SEMA5A: variants seen among roughly 807,000 people sequenced by gnomAD.
The protein encoded by SEMA5A is semaphorin 5A, also known as semaphorin-5A.
A neutral mutation model predicts 135.5 loss-of-function variants in SEMA5A; 55 were observed. That is an observed-to-expected ratio of 0.41 (90% CI 0.33 to 0.51). The LOEUF is 0.51. Ranked by LOEUF, SEMA5A falls within the 20% of genes least tolerant of loss-of-function variation. The probability of loss-of-function intolerance (pLI) is 0.37; values close to 1 mark genes in which losing one functional copy is unlikely to be tolerated. For synonymous variants in SEMA5A, 580 were observed against 546.5 expected, an observed-to-expected ratio of 1.06 and a Z score of -0.85; for missense variants, 1,290 against 1,419.9, an observed-to-expected ratio of 0.91 and a Z score of 1.47.
At chr5:9,054,955 G>A (rs562685315) in intron 18 of SEMA5A, among the ~76,000 whole-genome samples, 1 of 152,294 alleles carries the variant, frequency 6.6e-6, no homozygotes, top group East Asian at 1.9e-4. Flanking sequence ...CAATGTGAAA[G>A]TTAGGCCGAA....
intron 16 of SEMA5A, among the ~76,000 whole-genome samples, chr5:9,096,098 A>AT (rs1739296751): frequency 1.3e-5 from 2 of 152,160 alleles, no homozygotes; most frequent in South Asian, 4.1e-4. Flanking sequence ...ACTGTTTTCC[A>AT]TACTGGCTGT....
intron 8 of SEMA5A, among the ~76,000 whole-genome samples, chr5:9,218,918 A>G (rs757556068): frequency 1.3e-5 from 2 of 152,262 alleles, no homozygotes; most frequent in Admixed American, 6.5e-5. Context: ...CAGACATTGT[A>G]TCGGACTTTG....
intron 3 of SEMA5A, among the ~76,000 whole-genome samples, chr5:9,341,557 G>C (rs1753654334): frequency 6.6e-6 from 1 of 151,298 alleles, no homozygotes; most frequent in Non-Finnish European, 1.5e-5. Context: ...CCCCCAGTGA[G>C]TTTACCTTTT....
At chr5:9,066,763 C>T (rs1737496646) in intron 16 of SEMA5A, 117 bp from the exon 17 acceptor site, 1 of 773,760 alleles carries the variant, frequency 1.3e-6, no homozygotes, top group African/African-American at 1.7e-5. Context: ...CTAAGACACT[C>T]ACAGCTACTC....
chr5:9,037,626 T>C lies in SEMA5A; in HGVS notation c.*5271A>G, dbSNP rs907000437. ...GAAATCATCACCAGCAGTTCAACAT[T>C]ACATCTTATTTACCTTTTCTATTAC... On this transcript the variant is annotated 3_prime_UTR_variant, in exon 23 of 23. Transcript: ENST00000382496. 2.0e-5 allele frequency: 3 copies of C among 152,192 alleles called. No individual in the cohort carries two copies. The highest frequency in any genetic ancestry group is 4.4e-5 in the Non-Finnish European group (3 of 68,040). 9.4% of individuals were successfully genotyped at this position (152,192 alleles called of 1,614,324 possible).
chr5:9,050,527 G>T, intron 20 of SEMA5A, 70 bp from the exon 21 acceptor site: 1 of 1,268,558 alleles, frequency 7.9e-7, no homozygotes, highest in Non-Finnish European at 1.1e-6. Flanking sequence ...CATGCTTCAT[G>T]TATGTTTGTC....
intron 4 of SEMA5A, among the ~76,000 whole-genome samples, chr5:9,327,978 C>G (rs1200704957): frequency 6.6e-6 from 1 of 152,250 alleles, no homozygotes; most frequent in African/African-American, 2.4e-5. Flanking sequence ...ACTATTCATG[C>G]TTTAAATTAT....
chr5:9,053,221 CT>C (rs1397117469), intron 19 of SEMA5A, among the ~76,000 whole-genome samples: 7 of 152,210 alleles, frequency 4.6e-5, no homozygotes, highest in Admixed American at 3.9e-4. Context: ...CCCCAAGCGC[CT>C]GCATCAGCCA....
chr5:9,463,078 A>G (rs1759117196), intron 1 of SEMA5A, among the ~76,000 whole-genome samples: 2 of 152,158 alleles, frequency 1.3e-5, no homozygotes, highest in Non-Finnish European at 2.9e-5. Context: ...AAAGAAAAGA[A>G]CAATAAGGAT....
intron 3 of SEMA5A, among the ~76,000 whole-genome samples, chr5:9,349,218 A>G (rs1387051984): frequency 6.6e-6 from 1 of 152,234 alleles, no homozygotes; most frequent in East Asian, 1.9e-4. Flanking sequence ...GAACTAGAAC[A>G]TATTTGCCAA....
At chr5:9,201,918 AAGAG>A (rs753323427) in intron 9 of SEMA5A, 33 bp downstream of exon 9, 1 of 1,584,572 alleles carries the variant, frequency 6.3e-7, no homozygotes, top group South Asian at 1.1e-5. Flanking sequence ...CAGAATGAGT[AAGAG>A]AGAGGGGAGA....
intron 3 of SEMA5A, among the ~76,000 whole-genome samples, chr5:9,362,443 T>G (rs1253582848): frequency 6.6e-6 from 1 of 152,214 alleles, no homozygotes; most frequent in African/African-American, 2.4e-5. Flanking sequence ...ATCTTCTGTA[T>G]GTTTTCACCT....
At chr5:9,145,678 A>G (rs1324696868) in intron 12 of SEMA5A, among the ~76,000 whole-genome samples, 6 of 139,440 alleles carry the variant, frequency 4.3e-5, no homozygotes, top group Admixed American at 2.3e-4. Context: ...AGTCTCTGTC[A>G]CCCAGACTGG....
chr5:9,271,934 G>A (rs528075732), intron 5 of SEMA5A, among the ~76,000 whole-genome samples: 202 of 152,272 alleles, frequency 1.3e-3, no homozygotes, highest in African/African-American at 4.1e-3. Flanking sequence ...AAAACTGGGC[G>A]GCTGTTTGAG....
chr5:9,295,274 C>T (rs1751276717), intron 5 of SEMA5A, among the ~76,000 whole-genome samples: 1 of 152,178 alleles, frequency 6.6e-6, no homozygotes, highest in Admixed American at 6.5e-5. Context: ...GATTCTAGAA[C>T]TCCTGTGCTC....
chr5:9,179,902 C>A (rs368317811), intron 11 of SEMA5A, among the ~76,000 whole-genome samples: 61 of 152,184 alleles, frequency 4.0e-4, no homozygotes, highest in African/African-American at 1.4e-3. Context: ...CTTAAAGCAG[C>A]GGAAATGTAT....
chr5:9,049,988 A>C (rs1038191457), intron 21 of SEMA5A, among the ~76,000 whole-genome samples: 2 of 152,194 alleles, frequency 1.3e-5, no homozygotes, highest in African/African-American at 4.8e-5. Flanking sequence ...AATATAAACA[A>C]ATTGTTTGAA....
chr5:9,428,153 TATCTATCTATCTATCC>T (rs1294565865), intron 2 of SEMA5A, among the ~76,000 whole-genome samples: 471 of 139,204 alleles, frequency 3.4e-3, no homozygotes, highest in African/African-American at 0.01. Context: ...TCTATCTATC[TATCTATCTATCTATCC>T]ATCCATCCAT....
At position 9,248,694 on chromosome 5, in the gene SEMA5A, G is replaced by A. The variant is rs558596962; in HGVS notation, c.271-10804C>T. ...ATATGAAGCAGGCAGAGGAAGATGC[G>A]GAGCATACAGAGGAGAAGGAAATAT... is the stretch of plus-strand genomic sequence containing the variant. On this transcript the variant is annotated intron_variant, in intron 5 of 22. Coordinates refer to ENST00000382496, the MANE Select transcript of SEMA5A (RefSeq NM_003966.3). Among the ~76,000 whole-genome samples the A allele has an allele frequency of 1.6e-4, 25 of 152,200 alleles. No individual in the cohort carries two copies. The East Asian group carries it at 3.1e-3, about 19-fold the overall frequency.
Sources: gnomAD v4.1 joint callset for allele counts (sites outside exome capture counted in the v4.1 genomes callset) on GRCh38, gnomAD v4.1.1 for gene constraint, MANE v1.5 for transcripts, NCBI Gene and HGNC (gene_info 2026-07-23, HGNC 2026-07-21) for gene names.